Variants in LIMCH1 observed in about 807,000 individuals in gnomAD.
LIMCH1 encodes LIM and calponin homology domains-containing protein 1.
A neutral mutation model predicts 176.5 loss-of-function variants in LIMCH1; 113 were observed. The ratio of observed to expected loss-of-function variants is 0.64; its 90% CI spans 0.55 to 0.75. The LOEUF (loss-of-function observed/expected upper bound fraction) is 0.75, where lower values mean the gene tolerates loss of function less well. LIMCH1 is among the 30% of genes least tolerant of loss of function. The pLI is 0.00. For missense variants in LIMCH1, 1,674 were observed against 1,814.9 expected, an observed-to-expected ratio of 0.92 and a Z score of 1.41; for synonymous variants, 619 against 645.9, an observed-to-expected ratio of 0.96 and a Z score of 0.63.
At chr4:41,650,333 T>G in intron 17 of LIMCH1, 60 bp from the exon 18 acceptor site, 2 of 1,211,594 alleles carry the variant, frequency 1.7e-6, no homozygotes, top group Non-Finnish European at 2.4e-6. Flanking sequence ...CGTGTCGTTT[T>G]GTTACAGTCT....
rs2051894931 is a variant in LIMCH1, at chr4:41,360,950, G to A, written c.96+14G>A. On this transcript the variant is annotated intron_variant, in intron 1 of 26. Coordinates refer to the LIMCH1 transcript ENST00000313860. This position sits in a 1 kb window ranked among gnomAD's most constrained non-coding sequence, Gnocchi z 4.5. ...AAGTGGATTGAGGTAGGTGCGGGTG[G>A]CTGGCGGGCGGCCTTGCACTGGCGC... The A allele has an allele frequency of 6.4e-7, 1 of 1,555,446 alleles. No homozygotes were observed. Among genetic ancestry groups the A allele is most frequent in the African/African-American group, 1.4e-5 (1 of 72,652 alleles).
intron 1 of LIMCH1, among the ~76,000 whole-genome samples, chr4:41,550,214 T>C (rs1390786611): frequency 6.6e-6 from 1 of 151,568 alleles, no homozygotes; most frequent in African/African-American, 2.4e-5. Context: ...AAATTTGATA[T>C]AGAATCTAAT....
At chr4:41,449,077 T>C (rs1021959402) in intron 1 of LIMCH1, among the ~76,000 whole-genome samples, 3 of 151,708 alleles carry the variant, frequency 2.0e-5, no homozygotes, top group African/African-American at 7.3e-5. Context: ...TCTGTGGGCC[T>C]CCCTCCCGTT....
chr4:41,444,887 A>G (rs538826710), intron 1 of LIMCH1, among the ~76,000 whole-genome samples: 4 of 152,348 alleles, frequency 2.6e-5, no homozygotes, highest in African/African-American at 9.6e-5. Flanking sequence ...TGGCCAGGCT[A>G]CCAGACTGAG....
chr4:41,428,193 G>C (rs938057983), intron 1 of LIMCH1, among the ~76,000 whole-genome samples: 1 of 152,152 alleles, frequency 6.6e-6, no homozygotes, highest in Non-Finnish European at 1.5e-5. Context: ...GTATGAGGTC[G>C]TGGTAAAGAA....
intron 2 of LIMCH1, among the ~76,000 whole-genome samples, chr4:41,509,008 T>A (rs2154183077): frequency 6.6e-6 from 1 of 152,226 alleles, no homozygotes; most frequent in East Asian, 1.9e-4. Context: ...TCTGAAACAT[T>A]GGTAAAGAGA....
chr4:41,398,209 A>AT (rs1462231530), intron 1 of LIMCH1, among the ~76,000 whole-genome samples: 1 of 139,766 alleles, frequency 7.2e-6, no homozygotes, highest in Non-Finnish European at 1.6e-5. Context: ...TTTTTATTTT[A>AT]TTTTTTATTA....
intron 15 of LIMCH1, among the ~76,000 whole-genome samples, chr4:41,644,981 A>G (rs2093999283): frequency 6.6e-6 from 1 of 152,076 alleles, no homozygotes; most frequent in Admixed American, 6.5e-5. Context: ...AATGACCAAC[A>G]TCAAATGTGT....
At chr4:41,639,635 C>A (rs1225898546) in intron 14 of LIMCH1, among the ~76,000 whole-genome samples, 1 of 152,196 alleles carries the variant, frequency 6.6e-6, no homozygotes, top group Non-Finnish European at 1.5e-5. Context: ...CAAACCCTCC[C>A]ATTTGTGACC....
At chr4:41,583,561 T>C (rs999778283) in intron 1 of LIMCH1, among the ~76,000 whole-genome samples, 1 of 152,218 alleles carries the variant, frequency 6.6e-6, no homozygotes, top group South Asian at 2.1e-4. Flanking sequence ...ATACTTTTTT[T>C]TCAACATTCC....
chr4:41,596,048 CAA>C (rs1452167402), intron 1 of LIMCH1, among the ~76,000 whole-genome samples: 2 of 100,676 alleles, frequency 2.0e-5, no homozygotes. Flanking sequence ...GACTCCATCT[CAA>C]AAAAAAAAAA....
intron 1 of LIMCH1, among the ~76,000 whole-genome samples, chr4:41,419,561 C>CCCTT (rs536061729): frequency 0.034 from 3,931 of 116,088 alleles, 237 homozygotes; most frequent in East Asian, 0.096. Flanking sequence ...CTTTCCTTTC[C>CCCTT]CCTTCCTTCC....
At position 41,646,528 on chromosome 4, in the gene LIMCH1, C is replaced by T. The variant is rs771647731; in HGVS notation, c.2455C>T (p.Arg819Trp). The change falls in exon 17 of 32, where the codon CGG becomes TGG. Residue 819 changes from arginine (R) to tryptophan (W), a missense_variant. Physicochemically the swap from Arg to Trp is moderately radical, Grantham distance 101 (BLOSUM62 -3). This residue lies in a region of LIMCH1 where 1,015 missense variants were observed against 1,102.5 expected (regional missense o/e 0.92). Coordinates refer to ENST00000503057, the MANE Select transcript of LIMCH1 (RefSeq NM_001330672.2). ...GCTGCATGAAGCATATAAGAACGCT[C>T]GGTCCCAGGAGGAGGCAGAGGGGAT... Reference protein sequence around the residue: ...RELHEAYKNARSQEEAEGILQ... With the variant: ...RELHEAYKNAWSQEEAEGILQ... 4.0e-5 allele frequency: 64 copies of T among 1,613,988 alleles called. No individual in the cohort carries two copies. In the Admixed American group the frequency reaches 8.8e-4, roughly 22 times the overall value.
upstream of LIMCH1, among the ~76,000 whole-genome samples, chr4:41,533,184 A>G (rs367616608): frequency 1.1e-4 from 17 of 152,346 alleles, no homozygotes; most frequent in African/African-American, 3.8e-4. Context: ...AGAAAGAGAA[A>G]GGGAGGGAGA....
chr4:41,391,197 C>A (rs2057195076), intron 1 of LIMCH1, among the ~76,000 whole-genome samples: 1 of 152,174 alleles, frequency 6.6e-6, no homozygotes, highest in African/African-American at 2.4e-5. Flanking sequence ...CCTGTCCTGC[C>A]ATATTGGAAA....
intron 1 of LIMCH1, among the ~76,000 whole-genome samples, chr4:41,362,864 A>G (rs1410916369): frequency 6.6e-6 from 1 of 152,208 alleles, no homozygotes; most frequent in Non-Finnish European, 1.5e-5. Context: ...TCCTTAAGAC[A>G]GTAGAACCTC....
At chr4:41,577,464 C>G (rs9291205) in intron 1 of LIMCH1, among the ~76,000 whole-genome samples, 1 of 152,200 alleles carries the variant, frequency 6.6e-6, no homozygotes, top group African/African-American at 2.4e-5. Flanking sequence ...AGGTCTTGCT[C>G]TCTCACCCAG....
chr4:41,541,581 C>G (rs1235173635), intron 1 of LIMCH1, among the ~76,000 whole-genome samples: 1 of 152,134 alleles, frequency 6.6e-6, no homozygotes, highest in Admixed American at 6.5e-5. Flanking sequence ...CAGTTTTATC[C>G]CTAGATGTCT....
At chr4:41,601,889 C>G (rs141529582) in intron 2 of LIMCH1, among the ~76,000 whole-genome samples, 1 of 152,096 alleles carries the variant, frequency 6.6e-6, no homozygotes, top group East Asian at 1.9e-4. Context: ...TCTGTTGTCC[C>G]TCTAAGAGCT....
Sources: allele counts gnomAD v4.1 joint callset (sites outside exome capture counted in the v4.1 genomes callset), GRCh38; gene constraint gnomAD v4.1.1; regional missense constraint gnomAD v4.1.1; non-coding constraint Gnocchi (gnomAD v3.1); transcripts MANE v1.5; gene names NCBI Gene and HGNC (gene_info 2026-07-23, HGNC 2026-07-21).